UACA: variants seen among roughly 807,000 people sequenced by gnomAD.
UACA encodes the protein uveal autoantigen with coiled-coil domains and ankyrin repeats.
In UACA, 112 loss-of-function variants were observed where a neutral mutation model predicts 160.5. The ratio of observed to expected loss-of-function variants is 0.70; its 90% CI spans 0.60 to 0.82. UACA has a LOEUF of 0.82. UACA is among the 40% of genes least tolerant of loss of function. The probability of loss-of-function intolerance (pLI) is 0.00; values close to 1 mark genes in which losing one functional copy is unlikely to be tolerated. For synonymous variants in UACA, 557 were observed against 568.4 expected (o/e 0.98, Z 0.29); for missense variants, 1,574 against 1,614.6 (o/e 0.97, Z 0.43).
In UACA at chr15:70,660,342, C is replaced by T. The variant is rs373100938; in HGVS notation, c.4114-126G>A. ...AAGGCGATCCTGCTACTTCTAACAA[C>T]AAACTACCTTGGACCTACCAGATGC... On this transcript the variant is annotated intron_variant, in intron 17 of 18. Coordinates refer to ENST00000322954, the MANE Select transcript of UACA (RefSeq NM_018003.4). The T allele has an allele frequency of 1.2e-4, 86 of 739,804 alleles. No homozygotes were observed. The African/African-American group carries it at 1.4e-3, about 12-fold the overall frequency. 45.8% of individuals were successfully genotyped at this position (739,804 alleles called of 1,614,324 possible).
chr15:70,716,992 C>T (rs948374701), intron 1 of UACA, among the ~76,000 whole-genome samples: 10 of 152,112 alleles, frequency 6.6e-5, no homozygotes, highest in Non-Finnish European at 1.5e-4. Context: ...GAGGCCAAGG[C>T]GGGCAGATCA....
chr15:70,708,436 A>G (rs1365215828), intron 1 of UACA, among the ~76,000 whole-genome samples: 1 of 151,972 alleles, frequency 6.6e-6, no homozygotes, highest in Non-Finnish European at 1.5e-5. Flanking sequence ...AATAATAAAA[A>G]CATAAGTGCA....
chr15:70,690,477 C>T lies in UACA; in HGVS notation c.401G>A (p.Gly134Glu). ...ACCGGCATCGTGAAGTGCAGTTCTTCCCTGCAGGTCTGCATGCTCAGTGGG... is the reference window on the plus strand; with the variant it reads ...ACCGGCATCGTGAAGTGCAGTTCTTTCCTGCAGGTCTGCATGCTCAGTGGG... ...NCPTEHADLQ[G>E]RTALHDAAMA... Residue 134 changes from glycine to glutamate, a missense_variant, in exon 5 of 19, where the codon GGA becomes GAA. By Grantham distance (98) the Gly-to-Glu change is moderately conservative (BLOSUM62 -2). Transcript: ENST00000322954. 3.1e-6 allele frequency: 5 copies of T among 1,612,940 alleles called. No individual in the cohort carries two copies. The highest frequency in any genetic ancestry group is 4.2e-6 in the Non-Finnish European group (5 of 1,179,472).
At position 70,754,233 on chromosome 15, in the gene UACA, C is replaced by A. The variant is rs111264179; in HGVS notation, c.78+9097G>T. 2,137 of 448,396 alleles carry A rather than the reference C, an allele frequency of 4.8e-3. 14 individuals are homozygous for A. The highest frequency in any genetic ancestry group is 6.3e-3 in the Non-Finnish European group (1,406 of 223,312). 27.8% of individuals were successfully genotyped at this position (448,396 alleles called of 1,614,324 possible). A position where few individuals can be genotyped will look rare whatever the true frequency, so the allele number is the denominator to read the frequency against. On this transcript the variant is annotated intron_variant, in intron 1 of 18. Coordinates refer to ENST00000322954, the MANE Select transcript of UACA (RefSeq NM_018003.4). ...AGGTCCCATTCAATTACAGACAGTC[C>A]CCAACTTATGATGGTTAGACTTAGG...
chr15:70,774,964 G>A, the UACA span, among the ~76,000 whole-genome samples: 1 of 151,996 alleles, frequency 6.6e-6, no homozygotes, highest in Non-Finnish European at 1.5e-5. Context: ...GGAGGCCAAG[G>A]TGGAGGATCA....
intron 1 of UACA, among the ~76,000 whole-genome samples, chr15:70,702,474 T>C (rs976872236): frequency 1.3e-5 from 2 of 152,214 alleles, no homozygotes; most frequent in Non-Finnish European, 2.9e-5. Flanking sequence ...ATTTCAGGTC[T>C]ACTGGGGAAA....
chr15:70,705,363 C>G (rs1003002958), intron 1 of UACA, among the ~76,000 whole-genome samples: 1 of 151,724 alleles, frequency 6.6e-6, no homozygotes, highest in African/African-American at 2.4e-5. Flanking sequence ...GTAGAGAAAC[C>G]CCGTCTCTAT....
chr15:70,767,191 G>A (rs1289054681), upstream of UACA, among the ~76,000 whole-genome samples: 1 of 138,150 alleles, frequency 7.2e-6, no homozygotes, highest in Non-Finnish European at 1.5e-5. Context: ...AGTGAGCCGA[G>A]ATGGCGCCAC....
intron 15 of UACA, 23 bp from the exon 16 acceptor site, chr15:70,669,485 A>C: frequency 6.6e-7 from 1 of 1,508,912 alleles, no homozygotes; most frequent in African/African-American, 1.4e-5. Flanking sequence ...AAAAAAAGAC[A>C]TCAATCACAA....
chr15:70,703,993 G>A (rs554995896), intron 1 of UACA, among the ~76,000 whole-genome samples: 2 of 152,096 alleles, frequency 1.3e-5, no homozygotes, highest in East Asian at 3.9e-4. Context: ...TCCTTGCACC[G>A]TTTTACTTTT....
chr15:70,679,840 A>G, intron 9 of UACA, 164 bp from the exon 10 acceptor site: 1 of 415,072 alleles, frequency 2.4e-6, no homozygotes, highest in Non-Finnish European at 4.3e-6. Context: ...CAAAATGGAA[A>G]GGACCTTTAA....
Position 70,668,861 on chromosome 15 carries a change from T to C in UACA, c.1823A>G (p.Lys608Arg), listed in dbSNP as rs368054323. 34 of 1,613,702 alleles carry C rather than the reference T, an allele frequency of 2.1e-5. No individual in the cohort carries two copies. In the African/African-American group the frequency reaches 4.4e-4, roughly 21 times the overall value. Residue 608 changes from lysine to arginine, a missense_variant, in exon 16 of 19, where the codon AAG (lysine) becomes AGG (arginine). Transcript: ENST00000322954. ...TGCCTGGCCTTCCATCTCTGTGACC[T>C]TTCTTCCTTTCTTCTCTCGCTCCAT... ...CEMEREKKGRKVTEMEGQAKE... is the reference protein window; with the variant it reads ...CEMEREKKGRRVTEMEGQAKE...
rs763399066 is a variant in UACA at position 70,667,841 on chromosome 15, T to G, written c.2843A>C (p.Glu948Ala). The change falls in exon 16 of 19, where the codon GAA becomes GCA. Residue 948 changes from glutamate (E) to alanine (A), a missense_variant. Glu to Ala is a moderately radical substitution (Grantham distance 107). Transcript: ENST00000322954. Reference protein sequence around the residue: ...SMRKVQDSNAEILANYRKGQE... With the variant: ...SMRKVQDSNAAILANYRKGQE... ...GCCTTTTCTGTAGTTGGCCAAGATT[T>G]CAGCATTACTATCCTGCACCTTTCT... The G allele has an allele frequency of 7.4e-6, 12 of 1,613,924 alleles. 1 individual carries two copies. The South Asian group carries it at 1.3e-4, about 18-fold the overall frequency.
At chr15:70,778,216 T>C in the UACA span, among the ~76,000 whole-genome samples, 1 of 150,604 alleles carries the variant, frequency 6.6e-6, no homozygotes, top group Non-Finnish European at 1.5e-5. Flanking sequence ...AAAAAAAAAA[T>C]ATTGAGAACA....
chr15:70,701,686 T>C (rs1372448024), intron 1 of UACA, among the ~76,000 whole-genome samples: 1 of 152,240 alleles, frequency 6.6e-6, no homozygotes, highest in Non-Finnish European at 1.5e-5. Flanking sequence ...GATTTTATCA[T>C]GTGCTTTTTA....
Position 70,678,177 on chromosome 15 carries a change from T to G in UACA, c.921A>C (p.Lys307Asn). 1 of 1,611,332 alleles carries G rather than the reference T, an allele frequency of 6.2e-7. No individual in the cohort carries two copies. Among genetic ancestry groups the G allele is most frequent in the South Asian group, 1.1e-5 (1 of 90,718 alleles). Residue 307 changes from lysine (K) to asparagine (N), a missense_variant, in exon 11 of 19, where the codon AAA (lysine) becomes AAC (asparagine). Transcript: ENST00000322954. ...CTTGCTGAATTTTTCTCAACCTCTC[T>G]TTCAAATCTTCATTTTCAATCTCCA... ...QDLEIENEDL[K>N]ERLRKIQQEQ...
chr15:70,744,334 A>G (rs1899634640), intron 1 of UACA, among the ~76,000 whole-genome samples: 1 of 151,948 alleles, frequency 6.6e-6, no homozygotes, highest in South Asian at 2.1e-4. Context: ...ACAGGGATCC[A>G]GCTGACTGCC....
intron 9 of UACA, chr15:70,680,183 TAAAA>T (rs1173785166): frequency 6.6e-6 from 1 of 152,216 alleles, no homozygotes; most frequent in Non-Finnish European, 1.5e-5. Context: ...CTGAGCAATA[TAAAA>T]AGGTCTTTAA....
intron 1 of UACA, among the ~76,000 whole-genome samples, chr15:70,757,345 T>G (rs555904066): frequency 6.6e-6 from 1 of 152,326 alleles, no homozygotes; most frequent in South Asian, 2.1e-4. Context: ...ACAAGATATA[T>G]TATGCCAGCT....
Sources: allele counts gnomAD v4.1 joint callset (sites outside exome capture counted in the v4.1 genomes callset), GRCh38; gene constraint gnomAD v4.1.1; transcripts MANE v1.5; gene names NCBI Gene and HGNC (gene_info 2026-07-23, HGNC 2026-07-21).